Variants in CCDC102B observed in about 807,000 individuals in gnomAD.
CCDC102B encodes the protein coiled-coil domain-containing protein 102B.
Under a neutral mutation model 57.4 loss-of-function variants are expected in CCDC102B, and 75 were observed. That is an observed-to-expected ratio of 1.31 (90% CI 1.08 to 1.58). The LOEUF is 1.58. Ranked by LOEUF, CCDC102B falls within the 40% of genes most tolerant of loss-of-function variation. The pLI, the probability that CCDC102B is intolerant of heterozygous loss-of-function variation, is 0.00. For missense variants in CCDC102B, 636 were observed against 582.6 expected, an observed-to-expected ratio of 1.09 and a Z score of -0.94; for synonymous variants, 206 against 201.9, an observed-to-expected ratio of 1.02 and a Z score of -0.17.
At chr18:68,887,846 G>A (rs777529113) in intron 5 of CCDC102B, among the ~76,000 whole-genome samples, 16 of 152,320 alleles carry the variant, frequency 1.1e-4, no homozygotes, top group South Asian at 2.1e-4. Flanking sequence ...ATCTGTGCAA[G>A]AGTATAAATA....
chr18:68,885,592 G>GT (rs1259105398), intron 5 of CCDC102B, among the ~76,000 whole-genome samples: 1 of 151,934 alleles, frequency 6.6e-6, no homozygotes, highest in Non-Finnish European at 1.5e-5. Context: ...AACAATGTAG[G>GT]TAAATGTTTA....
chr18:68,825,636 G>A (rs1482117876), intron 1 of CCDC102B, among the ~76,000 whole-genome samples: 1 of 152,010 alleles, frequency 6.6e-6, no homozygotes, highest in African/African-American at 2.4e-5. Context: ...GTTGCAGTGA[G>A]CCGAGATCAC....
At chr18:68,811,857 G>A (rs1393529060) in intron 1 of CCDC102B, among the ~76,000 whole-genome samples, 3 of 152,264 alleles carry the variant, frequency 2.0e-5, no homozygotes, top group South Asian at 2.1e-4. Context: ...GACCTGGAAG[G>A]TAATGTCTGA....
chr18:69,037,668 T>TA (rs1188718107), intron 7 of CCDC102B, among the ~76,000 whole-genome samples: 1 of 151,828 alleles, frequency 6.6e-6, no homozygotes, highest in African/African-American at 2.4e-5. Flanking sequence ...AGAGAAAGAG[T>TA]AAAACAAACA....
chr18:68,757,916 A>T (rs1033728990), intron 2 of CCDC102B, among the ~76,000 whole-genome samples: 1 of 151,652 alleles, frequency 6.6e-6, no homozygotes, highest in Non-Finnish European at 1.5e-5. Context: ...TTGAACACAT[A>T]TTAGAAAGAC....
chr18:68,749,383 C>T (rs894861916), intron 2 of CCDC102B, among the ~76,000 whole-genome samples: 49 of 151,958 alleles, frequency 3.2e-4, no homozygotes, highest in African/African-American at 8.4e-4. Flanking sequence ...GCCATTTTCA[C>T]GATATTGATT....
At chr18:68,758,830 A>T (rs563824791) in intron 2 of CCDC102B, among the ~76,000 whole-genome samples, 3 of 151,940 alleles carry the variant, frequency 2.0e-5, no homozygotes, top group Non-Finnish European at 4.4e-5. Flanking sequence ...GTTTCCTTAT[A>T]TGCCAAATCC....
rs2036356851 is a variant in CCDC102B, at chr18:68,813,586, GAGA to G, written c.-16+15411_-16+15413del. Among the ~76,000 whole-genome samples the G allele has an allele frequency of 2.0e-5, 3 of 151,908 alleles. No homozygotes were observed. The South Asian group carries it at 6.3e-4, about 32-fold the overall frequency. ...GACCAGAAATGTAGGTTAGTTAGGGGAGAAGAAGGGAGGGAAGGCCAGCAGAGA... is the reference window on the plus strand; with the variant it reads ...GACCAGAAATGTAGGTTAGTTAGGGGAGAAGGGAGGGAAGGCCAGCAGAGA... On this transcript the variant is annotated intron_variant, in intron 1 of 7. Coordinates refer to ENST00000360242, the MANE Select transcript of CCDC102B (RefSeq NM_024781.3).
chr18:68,863,931 C>T (rs1374277319), intron 4 of CCDC102B, among the ~76,000 whole-genome samples: 4 of 151,866 alleles, frequency 2.6e-5, no homozygotes. Context: ...ACAAGATATA[C>T]TGGAATCATC....
At chr18:68,999,592 C>T (rs1195553265) in intron 6 of CCDC102B, among the ~76,000 whole-genome samples, 1 of 151,960 alleles carries the variant, frequency 6.6e-6, no homozygotes, top group Non-Finnish European at 1.5e-5. Context: ...GGTGACAGAG[C>T]AAGATTCTGG....
chr18:68,947,830 G>T (rs2049583986), intron 6 of CCDC102B, among the ~76,000 whole-genome samples: 1 of 151,968 alleles, frequency 6.6e-6, no homozygotes, highest in Non-Finnish European at 1.5e-5. Flanking sequence ...TCTCATTCTG[G>T]TAAGGTGTTC....
At chr18:68,803,853 G>T (rs2035940262) in intron 1 of CCDC102B, among the ~76,000 whole-genome samples, 1 of 151,830 alleles carries the variant, frequency 6.6e-6, no homozygotes, top group African/African-American at 2.4e-5. Flanking sequence ...AGAGTTCAGG[G>T]ATGGTTTATG....
Position 68,944,395 on chromosome 18 carries a change from A to G in CCDC102B, c.1263+46967A>G, listed in dbSNP as rs560237900. ...GATGGCTTAAAAACAACAGAAATAT[A>G]TTTCTCACGTTTCCAGAGGCTGGGA... On this transcript the variant is annotated intron_variant, in intron 6 of 7. Coordinates refer to ENST00000360242, the MANE Select transcript of CCDC102B (RefSeq NM_024781.3). Among the ~76,000 whole-genome samples the G allele has an allele frequency of 5.3e-5, 8 of 152,212 alleles. No homozygotes were observed. The East Asian group carries it at 1.2e-3, about 22-fold the overall frequency.
intron 1 of CCDC102B, among the ~76,000 whole-genome samples, chr18:68,812,976 G>A (rs2036326486): frequency 6.6e-6 from 1 of 152,006 alleles, no homozygotes; most frequent in South Asian, 2.1e-4. Context: ...AGGAGGTCGG[G>A]GAGAGAAGGG....
At chr18:68,897,609 A>C in intron 6 of CCDC102B, 181 bp downstream of exon 6, 1 of 1,551,250 alleles carries the variant, frequency 6.4e-7, no homozygotes, top group Admixed American at 1.8e-5. Context: ...ATCTGAAACA[A>C]AGTGTGTCAA....
Position 68,737,041 on chromosome 18 carries a change from G to T in CCDC102B, c.-67+20447G>T, listed in dbSNP as rs117362959. On this transcript the variant is annotated intron_variant, in intron 2 of 3. Transcript: ENST00000578970. ...TCTTGAGCCAAAGGGGTCAATGTTT[G>T]TACCCCCAATTCAGTTATTGGCTAT... Among the ~76,000 whole-genome samples, 16 of 152,008 alleles carry T rather than the reference G, an allele frequency of 1.1e-4. No individual in the cohort carries two copies. The East Asian group carries it at 2.5e-3, about 24-fold the overall frequency.
At chr18:68,794,045 C>A (rs935936770), upstream of CCDC102B, among the ~76,000 whole-genome samples, 1 of 152,120 alleles carries the variant, frequency 6.6e-6, no homozygotes, top group Non-Finnish European at 1.5e-5. Context: ...GATACTATTA[C>A]AATTTTCCAT....
At chr18:68,832,704 G>C (rs1241456652) in intron 1 of CCDC102B, among the ~76,000 whole-genome samples, 1 of 151,996 alleles carries the variant, frequency 6.6e-6, no homozygotes, top group Non-Finnish European at 1.5e-5. Flanking sequence ...AGAATTCTCA[G>C]ATCACGGGTT....
intron 6 of CCDC102B, among the ~76,000 whole-genome samples, chr18:68,932,789 G>A (rs2041719781): frequency 6.6e-6 from 1 of 151,832 alleles, no homozygotes; most frequent in African/African-American, 2.4e-5. Context: ...TTCATTTTCA[G>A]TAAATACAGA....
Sources: gnomAD v4.1 joint callset for allele counts (sites outside exome capture counted in the v4.1 genomes callset) on GRCh38, gnomAD v4.1.1 for gene constraint, MANE v1.5 for transcripts, NCBI Gene and HGNC (gene_info 2026-07-23, HGNC 2026-07-21) for gene names.